PCDHA3: variants seen among roughly 807,000 people sequenced by gnomAD.
The protein encoded by PCDHA3 is protocadherin alpha 3, also known as protocadherin alpha-3.
A neutral mutation model predicts 62.2 loss-of-function variants in PCDHA3; 41 were observed. The ratio of observed to expected loss-of-function variants is 0.66; its 90% confidence interval spans 0.51 to 0.86. PCDHA3 has a LOEUF of 0.86. PCDHA3 is among the 40% of genes least tolerant of loss of function. The probability of loss-of-function intolerance (pLI) is 0.00; values close to 1 mark genes in which losing one functional copy is unlikely to be tolerated. For missense variants in PCDHA3, 1,304 were observed against 1,241.2 expected (o/e 1.05, Z -0.76); for synonymous variants, 640 against 555.4 (o/e 1.15, Z -2.14).
chr5:140,882,942 C>T (rs2059373370), intron 1 of PCDHA3: 1 of 1,614,224 alleles, frequency 6.2e-7, no homozygotes. Flanking sequence ...CTGACTGGCA[C>T]AGTTCAGCTG....
intron 3 of PCDHA3, among the ~76,000 whole-genome samples, chr5:140,998,104 G>A (rs1554256160): frequency 6.6e-6 from 1 of 152,132 alleles, no homozygotes; most frequent in African/African-American, 2.4e-5. Context: ...GCAAACAGAG[G>A]AGAAAATTTA....
intron 3 of PCDHA3, among the ~76,000 whole-genome samples, chr5:140,985,577 G>GC (rs1195077647): frequency 6.6e-6 from 1 of 152,116 alleles, no homozygotes; most frequent in Non-Finnish European, 1.5e-5. Flanking sequence ...TGGTGCCTAA[G>GC]CCTCCTTATA....
chr5:140,898,414 C>T (rs1554187972), intron 1 of PCDHA3, among the ~76,000 whole-genome samples: 1 of 152,170 alleles, frequency 6.6e-6, no homozygotes, highest in Non-Finnish European at 1.5e-5. Flanking sequence ...ATACGGCTAG[C>T]CAGTTTTCCC....
At chr5:140,858,235 A>T (rs2045286318) in intron 1 of PCDHA3, 1 of 1,596,218 alleles carries the variant, frequency 6.3e-7, no homozygotes, top group African/African-American at 1.3e-5. Flanking sequence ...CCGAGGGCGC[A>T]TGTGGGCCGG....
At chr5:140,874,957 T>C (rs1330073461) in intron 1 of PCDHA3, among the ~76,000 whole-genome samples, 3 of 152,350 alleles carry the variant, frequency 2.0e-5, no homozygotes, top group African/African-American at 7.2e-5. Flanking sequence ...TTGTAAGCTA[T>C]ATAAGGGGAG....
chr5:140,868,571 A>G (rs1326549440), intron 1 of PCDHA3: 1 of 152,948 alleles, frequency 6.5e-6, no homozygotes, highest in Non-Finnish European at 1.5e-5. Context: ...GAGGAACAAC[A>G]CTTTCAGGAA....
chr5:140,859,686 T>C (rs2045967077), intron 1 of PCDHA3: 1 of 154,726 alleles, frequency 6.5e-6, no homozygotes, highest in African/African-American at 2.4e-5. Context: ...AAAATTAAAA[T>C]TATTGTTCAA....
chr5:140,982,357 A>G, intron 2 of PCDHA3, 118 bp from the exon 3 acceptor site: 1 of 1,520,660 alleles, frequency 6.6e-7, no homozygotes. Flanking sequence ...TTCAAGCATG[A>G]GCAGAATGTG....
chr5:140,928,082 T>G, intron 1 of PCDHA3: 1 of 1,614,212 alleles, frequency 6.2e-7, no homozygotes, highest in Non-Finnish European at 8.5e-7. Context: ...TACTACAGCC[T>G]GCTGATTGAT....
intron 3 of PCDHA3, among the ~76,000 whole-genome samples, chr5:141,004,121 C>T (rs1250923202): frequency 6.6e-6 from 1 of 152,230 alleles, no homozygotes; most frequent in Non-Finnish European, 1.5e-5. Flanking sequence ...AAGGGAGTAT[C>T]TCCATGATTC....
Position 140,908,264 on chromosome 5 carries a change from C to T in PCDHA3, c.2395-70685C>T, listed in dbSNP as rs184452768. Among the ~76,000 whole-genome samples the T allele has an allele frequency of 2.1e-4, 32 of 152,244 alleles. 1 individual carries two copies. Among genetic ancestry groups the T allele is most frequent in the African/African-American group, 6.3e-4 (26 of 41,538 alleles). Reference sequence around the variant, plus strand: ...CCTCATCAACTGATCATAGGGAACTCCCCATGAGGCCATTGTTGCAAGCTG... The same window carrying T: ...CCTCATCAACTGATCATAGGGAACTTCCCATGAGGCCATTGTTGCAAGCTG... On this transcript the variant is annotated intron_variant, in intron 1 of 3. Coordinates refer to ENST00000522353, the MANE Select transcript of PCDHA3 (RefSeq NM_018906.3).
chr5:140,869,287 C>T, intron 1 of PCDHA3: 1 of 1,613,538 alleles, frequency 6.2e-7, no homozygotes, highest in Non-Finnish European at 8.5e-7. Context: ...GCTGGTGCAG[C>T]GCCTGTTCCG....
chr5:140,870,883 C>A (rs782137761), intron 1 of PCDHA3: 1 of 1,613,920 alleles, frequency 6.2e-7, no homozygotes, highest in Non-Finnish European at 8.5e-7. Context: ...GGCGAAGGTG[C>A]GCGCAGTGGA....
intron 1 of PCDHA3, chr5:140,841,218 C>T: frequency 7.0e-7 from 1 of 1,431,458 alleles, no homozygotes; most frequent in Non-Finnish European, 9.4e-7. Flanking sequence ...CTCTAAAGGC[C>T]GAACAACGGG....
At chr5:140,810,171 AGTT>A (rs1764612189) in intron 1 of PCDHA3, 1 of 152,272 alleles carries the variant, frequency 6.6e-6, no homozygotes. Flanking sequence ...TGTTATATGT[AGTT>A]GTAGTTTATT....
chr5:140,808,796 G>C (rs782615790), intron 1 of PCDHA3: 3 of 1,612,616 alleles, frequency 1.9e-6, no homozygotes, highest in Admixed American at 1.7e-5. Flanking sequence ...TCAGGTGACC[G>C]CTCGCGATGC....
intron 1 of PCDHA3, among the ~76,000 whole-genome samples, chr5:140,944,956 A>T (rs2093715486): frequency 6.6e-6 from 1 of 152,140 alleles, no homozygotes; most frequent in Non-Finnish European, 1.5e-5. Context: ...GAATAAGAGT[A>T]TTATCTTAAC....
At chr5:140,873,085 C>G (rs1554166557) in intron 1 of PCDHA3, among the ~76,000 whole-genome samples, 2 of 152,098 alleles carry the variant, frequency 1.3e-5, no homozygotes, top group Non-Finnish European at 2.9e-5. Flanking sequence ...TATTTCCCCC[C>G]CGTATAGAGG....
At chr5:140,807,866 C>A (rs782155979) in intron 1 of PCDHA3, 1 of 1,614,132 alleles carries the variant, frequency 6.2e-7, no homozygotes, top group Non-Finnish European at 8.5e-7. Context: ...TGGCACCGTT[C>A]AGTTACTCAT....
Sources: allele counts gnomAD v4.1 joint callset (sites outside exome capture counted in the v4.1 genomes callset), GRCh38; gene constraint gnomAD v4.1.1; transcripts MANE v1.5; gene names NCBI Gene and HGNC (gene_info 2026-07-23, HGNC 2026-07-21).